Variants in TK2 observed in about 807,000 individuals in gnomAD.
The protein encoded by TK2 is thymidine kinase 2.
TK2 carries 35 observed loss-of-function variants against 41.9 expected under a neutral mutation model. That is an observed-to-expected ratio of 0.84 (90% CI 0.64 to 1.11). TK2 has a LOEUF of 1.11. Among genes scored for constraint, TK2 ranks in the 50% least tolerant of loss-of-function variants. The probability of loss-of-function intolerance (pLI) is 0.00; values close to 1 mark genes in which losing one functional copy is unlikely to be tolerated. For synonymous variants in TK2, 128 were observed against 129.1 expected (o/e 0.99, Z 0.06); for missense variants, 320 against 351.1 (o/e 0.91, Z 0.71).
chr16:66,539,206 C>A (rs911042140), intron 3 of TK2, among the ~76,000 whole-genome samples: 1 of 152,148 alleles, frequency 6.6e-6, no homozygotes, highest in Non-Finnish European at 1.5e-5. Flanking sequence ...CCAAGCCCCC[C>A]CTCCTCCCCA....
At chr16:66,549,681 A>G in intron 1 of TK2, 1 of 1,231,132 alleles carries the variant, frequency 8.1e-7, no homozygotes, top group Non-Finnish European at 1.0e-6. Flanking sequence ...TTTGGGCCGG[A>G]ATGTTCAGAG....
chr16:66,537,129 A>T, intron 3 of TK2, 112 bp from the exon 4 acceptor site: 1 of 1,490,428 alleles, frequency 6.7e-7, no homozygotes, highest in Non-Finnish European at 9.3e-7. Context: ...GAAAAAGACT[A>T]TCCAAATTTG....
chr16:66,534,478 A>AGGGC (rs1965216752), intron 4 of TK2, among the ~76,000 whole-genome samples: 1 of 152,106 alleles, frequency 6.6e-6, no homozygotes, highest in Non-Finnish European at 1.5e-5. Context: ...GCAGAATGAA[A>AGGGC]TCCAAACCCT....
chr16:66,523,538 A>C (rs74248468), intron 6 of TK2, among the ~76,000 whole-genome samples: 8,228 of 152,332 alleles, frequency 0.054, 323 homozygotes, highest in South Asian at 0.18. Flanking sequence ...CTCTAAAAAC[A>C]TCTACTTTGG....
chr16:66,530,196 A>C (rs2144404834), intron 5 of TK2, among the ~76,000 whole-genome samples: 1 of 152,360 alleles, frequency 6.6e-6, no homozygotes, highest in South Asian at 2.1e-4. Flanking sequence ...TAAAAGACAG[A>C]CTTACAGAAG....
chr16:66,529,534 C>T (rs1418253742), intron 5 of TK2, among the ~76,000 whole-genome samples: 1 of 152,220 alleles, frequency 6.6e-6, no homozygotes, highest in Non-Finnish European at 1.5e-5. Flanking sequence ...GGGTGACGTT[C>T]TGGGGGCTCT....
intron 4 of TK2, among the ~76,000 whole-genome samples, chr16:66,536,374 CT>C (rs1324837216): frequency 6.6e-6 from 1 of 152,150 alleles, no homozygotes; most frequent in African/African-American, 2.4e-5. Flanking sequence ...AAAGCTCTCT[CT>C]TGCAGGACCC....
chr16:66,531,308 T>C, intron 5 of TK2, 72 bp downstream of exon 5: 2 of 1,478,536 alleles, frequency 1.4e-6, no homozygotes, highest in Non-Finnish European at 1.9e-6. Context: ...AAAGTTTCCC[T>C]TCCTGGCAAT....
At chr16:66,544,313 T>C (rs1965541486) in intron 2 of TK2, among the ~76,000 whole-genome samples, 1 of 152,158 alleles carries the variant, frequency 6.6e-6, no homozygotes, top group African/African-American at 2.4e-5. Flanking sequence ...AAAAATATTA[T>C]AAGAGAAGTG....
At chr16:66,541,993 C>T (rs371739997) in intron 2 of TK2, 40 bp from the exon 3 acceptor site, 16 of 1,603,332 alleles carry the variant, frequency 1.0e-5, no homozygotes, top group Non-Finnish European at 1.1e-5. Context: ...AGAACTCAAG[C>T]ACCCAGGGGA....
chr16:66,510,756 G>A lies in TK2; in HGVS notation c.*1212C>T, dbSNP rs745307045. Reference sequence around the variant, plus strand: ...CTTCAGGACCAGCAATGCTTCCAGAGCCTTTATTTGCAAATCCCAACTTTC... The same window carrying A: ...CTTCAGGACCAGCAATGCTTCCAGAACCTTTATTTGCAAATCCCAACTTTC... On this transcript the variant is annotated 3_prime_UTR_variant, in exon 10 of 10. Transcript: ENST00000544898. 1.1e-4 allele frequency: 17 copies of A among 152,176 alleles called. No individual in the cohort carries two copies. Among genetic ancestry groups the A allele is most frequent in the Non-Finnish European group, 5.9e-5 (4 of 68,040 alleles). 9.4% of individuals were successfully genotyped at this position (152,176 alleles called of 1,614,324 possible).
At chr16:66,513,589 G>C in intron 9 of TK2, 142 bp downstream of exon 9, 2 of 781,606 alleles carry the variant, frequency 2.6e-6, no homozygotes, top group Admixed American at 2.0e-5. Flanking sequence ...GGGAGAGAGA[G>C]CACCAGCCTT....
chr16:66,538,767 C>T (rs866084636), intron 3 of TK2, among the ~76,000 whole-genome samples: 1 of 152,150 alleles, frequency 6.6e-6, no homozygotes, highest in Non-Finnish European at 1.5e-5. Context: ...TCAGGGGACA[C>T]GGAGCTCAGA....
chr16:66,550,117 A>C lies in TK2; in HGVS notation c.-56T>G. 1.2e-6 allele frequency: 2 copies of C among 1,611,046 alleles called. No homozygotes were observed. The highest frequency in any genetic ancestry group is 8.5e-7 in the Non-Finnish European group (1 of 1,179,474). ...TTCCTTCTTGTGCGAGTCGGCGCGG[A>C]CGACTGCTAGTCCAGCCGTTGGGCG... On this transcript the variant is annotated 5_prime_UTR_variant, in exon 1 of 10. Transcript: ENST00000544898.
intron 6 of TK2, among the ~76,000 whole-genome samples, chr16:66,528,335 C>T (rs754280788): frequency 6.6e-6 from 1 of 152,200 alleles, no homozygotes; most frequent in Non-Finnish European, 1.5e-5. Context: ...CACTGACAGG[C>T]CACCAGAAGC....
rs1187538643 is a variant in TK2 at position 66,514,452 on chromosome 16, G to A, written c.619-641C>T. Among the ~76,000 whole-genome samples, 1 of 152,210 alleles carries A rather than the reference G, an allele frequency of 6.6e-6. No homozygotes were observed. The highest frequency in any genetic ancestry group is 1.9e-4 in the East Asian group (1 of 5,192). The stretch of plus-strand genomic sequence containing the variant: ...GTTGCCCAGGCTGGAGTGCAGTGGC[G>A]TGATCTCGGCTCGCTACAACCTCCA... On this transcript the variant is annotated intron_variant, in intron 8 of 9. Coordinates refer to ENST00000544898, the MANE Select transcript of TK2 (RefSeq NM_004614.5). The surrounding 1 kb of genome is among the most constrained non-coding windows in gnomAD (Gnocchi z 4.2).
intron 6 of TK2, among the ~76,000 whole-genome samples, chr16:66,521,988 T>C (rs1044502093): frequency 1.3e-5 from 2 of 152,118 alleles, no homozygotes; most frequent in African/African-American, 4.8e-5. Context: ...CTTGTATACG[T>C]TATTTCCTTT....
intron 3 of TK2, among the ~76,000 whole-genome samples, chr16:66,539,833 C>T (rs1221658101): frequency 6.6e-6 from 1 of 152,162 alleles, no homozygotes; most frequent in Non-Finnish European, 1.5e-5. Flanking sequence ...TTCATCAGCG[C>T]TCAGCCATGC....
At chr16:66,540,603 T>C (rs1279696653) in intron 3 of TK2, among the ~76,000 whole-genome samples, 1 of 152,226 alleles carries the variant, frequency 6.6e-6, no homozygotes, top group Non-Finnish European at 1.5e-5. Context: ...ATTATACCAC[T>C]AAAATCTAGA....
Sources: gnomAD v4.1 joint callset for allele counts (sites outside exome capture counted in the v4.1 genomes callset) on GRCh38, gnomAD v4.1.1 for gene constraint, Gnocchi (gnomAD v3.1) non-coding constraint, MANE v1.5 for transcripts, NCBI Gene and HGNC (gene_info 2026-07-23, HGNC 2026-07-21) for gene names.